MYO1D: variants seen among roughly 807,000 people sequenced by gnomAD.
MYO1D encodes the protein myosin ID, also known as unconventional myosin-Id.
A neutral mutation model predicts 122.0 loss-of-function variants in MYO1D; 83 were observed. That is an observed-to-expected ratio of 0.68 (90% CI 0.57 to 0.82). The LOEUF (loss-of-function observed/expected upper bound fraction) is 0.82. Ranked by LOEUF, MYO1D falls within the 40% of genes least tolerant of loss-of-function variation. The probability of loss-of-function intolerance (pLI) is 0.00; values close to 1 mark genes in which losing one functional copy is unlikely to be tolerated. For synonymous variants in MYO1D, 464 were observed against 446.9 expected (o/e 1.04, Z -0.48); for missense variants, 1,157 against 1,269.5 (o/e 0.91, Z 1.35).
At chr17:32,509,742 C>A (rs907388503) in intron 21 of MYO1D, among the ~76,000 whole-genome samples, 1 of 152,100 alleles carries the variant, frequency 6.6e-6, no homozygotes, top group Non-Finnish European at 1.5e-5. Flanking sequence ...GCGTGCGCCA[C>A]CACACCCAGC....
intron 20 of MYO1D, among the ~76,000 whole-genome samples, chr17:32,612,591 C>T (rs1282117311): frequency 6.9e-6 from 1 of 144,642 alleles, no homozygotes; most frequent in Non-Finnish European, 1.5e-5. Context: ...GAGGCTGAGG[C>T]AGGAGGATTG....
chr17:32,560,808 C>T (rs1206673485), intron 21 of MYO1D, among the ~76,000 whole-genome samples: 4 of 150,530 alleles, frequency 2.7e-5, no homozygotes, highest in East Asian at 1.9e-4. Context: ...TTAGTAGAGA[C>T]GGGGTTTCAT....
intron 10 of MYO1D, 36 bp downstream of exon 10, chr17:32,760,254 A>C: frequency 6.7e-7 from 1 of 1,491,828 alleles, no homozygotes; most frequent in Non-Finnish European, 9.3e-7. Flanking sequence ...TAATATGAGA[A>C]ACACATGAAG....
intron 16 of MYO1D, among the ~76,000 whole-genome samples, chr17:32,662,530 A>T (rs1220122817): frequency 2.0e-5 from 3 of 152,060 alleles, no homozygotes; most frequent in Non-Finnish European, 4.4e-5. Flanking sequence ...AAAATTAGGC[A>T]AGTGTGGTGG....
rs2087608585 is a variant in MYO1D, at chr17:32,604,998, A to C, written c.2864+89T>G. 3.1e-6 allele frequency: 4 copies of C among 1,293,050 alleles called. No individual in the cohort carries two copies. The East Asian group carries it at 9.7e-5, about 31-fold the overall frequency. 80.1% of individuals were successfully genotyped at this position (1,293,050 alleles called of 1,614,324 possible). On this transcript the variant is annotated intron_variant, in intron 21 of 21. Transcript: ENST00000318217. Reference sequence around the variant, plus strand: ...ATGGAGAAAAATAGCTCAATACATTAAAATTGGCACAAAACAAGCTCAGTG... The same window carrying C: ...ATGGAGAAAAATAGCTCAATACATTCAAATTGGCACAAAACAAGCTCAGTG...
At chr17:32,499,098 A>C (rs1361067497) in intron 21 of MYO1D, 1 of 152,222 alleles carries the variant, frequency 6.6e-6, no homozygotes, top group African/African-American at 2.4e-5. Context: ...GCTACTCGGG[A>C]GGCTGAGGCA....
intron 1 of MYO1D, among the ~76,000 whole-genome samples, chr17:32,862,054 TTC>T (rs2091081970): frequency 6.6e-6 from 1 of 152,022 alleles, no homozygotes; most frequent in East Asian, 1.9e-4. Flanking sequence ...TGTCTCTGTC[TTC>T]TCTCTCTTCC....
intron 21 of MYO1D, among the ~76,000 whole-genome samples, chr17:32,599,691 T>C (rs2087539694): frequency 6.6e-6 from 1 of 152,170 alleles, no homozygotes; most frequent in Non-Finnish European, 1.5e-5. Flanking sequence ...CTCACTCTGT[T>C]GCCCATGCTG....
chr17:32,755,800 A>C (rs1317432702), intron 10 of MYO1D, 138 bp from the exon 11 acceptor site: 1 of 654,308 alleles, frequency 1.5e-6, no homozygotes, highest in African/African-American at 1.8e-5. Context: ...AAGAGGTCTT[A>C]CGCTAAAAAG....
rs1028737503 is a variant in MYO1D, at chr17:32,765,232, T to C, written c.832-151A>G. On this transcript the variant is annotated intron_variant, in intron 7 of 21. Coordinates refer to ENST00000318217, the MANE Select transcript of MYO1D (RefSeq NM_015194.3). ...CATATAAAAACAGTGTTTCATCTAC[T>C]TTTTCCCTTTCTCCGGACACTCATC... 4.6e-6 allele frequency: 3 copies of C among 654,636 alleles called. No homozygotes were observed. The African/African-American group carries it at 5.5e-5, about 12-fold the overall frequency. The allele number at this position is 654,636 out of a possible 1,614,324, so 40.6% of individuals were successfully genotyped here.
intron 16 of MYO1D, among the ~76,000 whole-genome samples, chr17:32,661,106 T>C (rs2088558864): frequency 6.6e-6 from 1 of 152,236 alleles, no homozygotes; most frequent in African/African-American, 2.4e-5. Flanking sequence ...TATAAGTAAG[T>C]ACTTTTTAAG....
chr17:32,644,769 A>G lies in MYO1D; in HGVS notation c.2596-5934T>C, dbSNP rs544851275. ...TTTTTTTGTTTTCTATTAGATTGGT[A>G]GATCTTCCTCCATCCCTTTATTTTG... On this transcript the variant is annotated intron_variant, in intron 19 of 21. Transcript: ENST00000318217. Among the ~76,000 whole-genome samples the G allele has an allele frequency of 2.6e-5, 4 of 152,196 alleles. No homozygotes were observed. The South Asian group carries it at 8.3e-4, about 32-fold the overall frequency.
In MYO1D at chr17:32,750,615, CAATAAATA is replaced by C. The variant is rs375117230; in HGVS notation, c.1468-1617_1468-1610del. Reference sequence around the variant, plus strand: ...GGGCGACAAGAGCAAGACTCTGTCTCAATAAATAAATAAATAAATAAATAAATTTTCCT... The same window carrying C: ...GGGCGACAAGAGCAAGACTCTGTCTCAATAAATAAATAAATAAATTTTCCT... On this transcript the variant is annotated intron_variant, in intron 11 of 21. Coordinates refer to ENST00000318217, the MANE Select transcript of MYO1D (RefSeq NM_015194.3). 5.3e-5 allele frequency among the ~76,000 whole-genome samples: 8 copies of C among 151,758 alleles called. No homozygotes were observed. In the East Asian group the frequency reaches 7.7e-4, roughly 15 times the overall value.
chr17:32,865,168 T>C (rs2091113013), intron 1 of MYO1D, among the ~76,000 whole-genome samples: 1 of 152,194 alleles, frequency 6.6e-6, no homozygotes. Flanking sequence ...AAATATGTTG[T>C]TGGGTTTTTT....
chr17:32,500,377 C>G (rs58377442), intron 21 of MYO1D, among the ~76,000 whole-genome samples: 3,059 of 152,310 alleles, frequency 0.02, 83 homozygotes, highest in African/African-American at 0.068. Context: ...CTTCTAAACA[C>G]AAAGTGGCCA....
At position 32,563,368 on chromosome 17, in the gene MYO1D, C is replaced by T. The variant is rs554950087; in HGVS notation, c.2864+41719G>A. 5.3e-5 allele frequency among the ~76,000 whole-genome samples: 8 copies of T among 151,892 alleles called. No individual in the cohort carries two copies. In the South Asian group the frequency reaches 1.5e-3, roughly 28 times the overall value. ...GGGATTACAGACACGCACCACTGTG[C>T]CCAGCTAATTTTTTTTTTTCATTTT... On this transcript the variant is annotated intron_variant, in intron 21 of 21. Transcript: ENST00000318217.
At chr17:32,542,177 A>C (rs1910855059) in intron 21 of MYO1D, among the ~76,000 whole-genome samples, 1 of 152,208 alleles carries the variant, frequency 6.6e-6, no homozygotes, top group African/African-American at 2.4e-5. Context: ...TGACTTGCAC[A>C]GTGAAAAAGA....
At chr17:32,673,982 A>G (rs986580283) in intron 16 of MYO1D, among the ~76,000 whole-genome samples, 1 of 152,232 alleles carries the variant, frequency 6.6e-6, no homozygotes, top group African/African-American at 2.4e-5. Flanking sequence ...ATGATATTCT[A>G]GGAAGAACCA....
intron 8 of MYO1D, among the ~76,000 whole-genome samples, chr17:32,762,514 C>A (rs2090011710): frequency 1.3e-5 from 2 of 152,150 alleles, no homozygotes; most frequent in South Asian, 4.1e-4. Flanking sequence ...TAATTGACCT[C>A]TTTGCTTCCA....
Sources: allele counts gnomAD v4.1 joint callset (sites outside exome capture counted in the v4.1 genomes callset), GRCh38; gene constraint gnomAD v4.1.1; transcripts MANE v1.5; gene names NCBI Gene and HGNC (gene_info 2026-07-23, HGNC 2026-07-21).